The following WNK1 variants were observed in gnomAD, a reference collection of about 807,000 sequenced individuals.
WNK1 encodes serine/threonine-protein kinase WNK1.
Under a neutral mutation model 222.8 loss-of-function variants are expected in WNK1, and 38 were observed. That is an observed-to-expected ratio of 0.17 (90% confidence interval 0.13 to 0.22). The LOEUF is 0.22. Ranked by LOEUF, WNK1 falls within the 10% of genes least tolerant of loss-of-function variation. The pLI is 1.00. For synonymous variants in WNK1, 1,090 were observed against 1,092.9 expected (o/e 1.00, Z 0.05); for missense variants, 2,348 against 2,918.4 (o/e 0.80, Z 4.50).
intron 5 of WNK1, among the ~76,000 whole-genome samples, chr12:858,035 G>A (rs765727563): frequency 1.3e-5 from 2 of 152,178 alleles, no homozygotes; most frequent in South Asian, 2.1e-4. Flanking sequence ...CTCCAGTCTC[G>A]TTCTTTTTAT....
chr12:905,797 G>A (rs1955646227), intron 26 of WNK1, among the ~76,000 whole-genome samples: 1 of 152,154 alleles, frequency 6.6e-6, no homozygotes, highest in Non-Finnish European at 1.5e-5. Flanking sequence ...TTCCTGTACT[G>A]TAGGGAGCTT....
At chr12:758,757 A>G (rs2153912062) in intron 1 of WNK1, among the ~76,000 whole-genome samples, 1 of 146,628 alleles carries the variant, frequency 6.8e-6, no homozygotes, top group East Asian at 2.0e-4. Context: ...TAGTTTTTGG[A>G]GTTTGTTCTT....
chr12:805,712 C>G (rs1284034983), intron 1 of WNK1, among the ~76,000 whole-genome samples: 2 of 151,938 alleles, frequency 1.3e-5, no homozygotes, highest in Non-Finnish European at 2.9e-5. Context: ...GCCAAACTAC[C>G]TATAGTCAAA....
At position 864,087 on chromosome 12, in the gene WNK1, CCT is replaced by C. The variant is rs1366143931; in HGVS notation, c.2139+1818_2139+1819del. Among the ~76,000 whole-genome samples, 5 of 148,234 alleles carry C rather than the reference CCT, an allele frequency of 3.4e-5. No individual in the cohort carries two copies. The East Asian group carries it at 9.6e-4, about 29-fold the overall frequency. ...ATACTGCCTTATAGCCATATTAAAC[CCT>C]GTGCCTGAACATTTTTTTAAGTTTT... On this transcript the variant is annotated intron_variant, in intron 8 of 27. Coordinates refer to ENST00000315939, the MANE Select transcript of WNK1 (RefSeq NM_018979.4).
At chr12:870,434 T>A (rs1952046324) in intron 8 of WNK1, among the ~76,000 whole-genome samples, 1 of 152,206 alleles carries the variant, frequency 6.6e-6, no homozygotes, top group South Asian at 2.1e-4. Flanking sequence ...ATTATATCCA[T>A]GTAAGCTTTA....
chr12:782,912 T>C (rs927432589), intron 1 of WNK1, among the ~76,000 whole-genome samples: 1 of 152,020 alleles, frequency 6.6e-6, no homozygotes, highest in Admixed American at 6.6e-5. Flanking sequence ...CTTTTTTTTT[T>C]TCTGAGACAG....
intron 4 of WNK1, among the ~76,000 whole-genome samples, chr12:841,809 C>T (rs1423493110): frequency 6.6e-6 from 1 of 152,146 alleles, no homozygotes; most frequent in Non-Finnish European, 1.5e-5. Context: ...AAGCTCCCTC[C>T]GGACTCATAT....
chr12:799,681 A>G (rs1440049961), intron 1 of WNK1, among the ~76,000 whole-genome samples: 1 of 151,674 alleles, frequency 6.6e-6, no homozygotes, highest in Non-Finnish European at 1.5e-5. Context: ...GACATTACAA[A>G]AAGTTTTTAT....
intron 4 of WNK1, among the ~76,000 whole-genome samples, chr12:847,801 C>CTTTTTTTTTTTTTTTTTTTTTTTT (rs898832948): frequency 1.5e-5 from 1 of 68,642 alleles, no homozygotes; most frequent in African/African-American, 5.8e-5. Flanking sequence ...GATTAATTCT[C>CTTTTTTTTTTTTTTTTTTTTTTTT]TTTTTTTTTT....
intron 4 of WNK1, among the ~76,000 whole-genome samples, chr12:856,331 G>A: frequency 6.6e-6 from 1 of 151,658 alleles, no homozygotes; most frequent in East Asian, 2.0e-4. Flanking sequence ...GCGTATACCT[G>A]TATTCCCGGC....
Position 900,509 on chromosome 12 carries a change from T to C in WNK1, c.6482T>C (p.Leu2161Ser). Residue 2161 changes from leucine (L) to serine (S), a missense_variant, in exon 26 of 28, where the codon TTG becomes TCG. By Grantham distance (145) the Leu-to-Ser change is moderately radical. Around this residue, in one of 13 missense-constraint regions of WNK1, gnomAD observed 1,144 missense variants for 1,273.6 expected, o/e 0.90. Transcript: ENST00000315939. ...TCTGGTCAGAGTGCAGCTTCAGTCT[T>C]GCACCCCCAGCAGACCCTCCACCCT... ...NLSGQSAASV[L>S]HPQQTLHPPG... The C allele has an allele frequency of 6.2e-7, 1 of 1,614,194 alleles. No homozygotes were observed. Among genetic ancestry groups the C allele is most frequent in the Non-Finnish European group, 8.5e-7 (1 of 1,180,044 alleles).
chr12:907,774 C>T (rs568136518), intron 26 of WNK1, 73 bp from the exon 27 acceptor site: 194 of 1,549,016 alleles, frequency 1.3e-4, no homozygotes, highest in Admixed American at 3.0e-4. Flanking sequence ...TTCATCATCC[C>T]GTGAAGTTTT....
intron 6 of WNK1, among the ~76,000 whole-genome samples, chr12:860,004 C>G (rs531748453): frequency 1.1e-4 from 16 of 152,198 alleles, no homozygotes; most frequent in African/African-American, 3.4e-4. Flanking sequence ...GTGTGAGCCA[C>G]TTCGCCCGGC....
At chr12:835,356 C>A (rs1202301061) in intron 4 of WNK1, among the ~76,000 whole-genome samples, 3 of 151,358 alleles carry the variant, frequency 2.0e-5, no homozygotes, top group Non-Finnish European at 4.4e-5. Flanking sequence ...AACAAAAAAA[C>A]CCACAATAGC....
At chr12:904,314 C>G (rs1001157014) in intron 26 of WNK1, 1 of 515,556 alleles carries the variant, frequency 1.9e-6, no homozygotes, top group Admixed American at 2.6e-5. Context: ...TATATCTGTT[C>G]AAGGGCTACC....
chr12:759,660 G>A (rs1940740316), intron 1 of WNK1, among the ~76,000 whole-genome samples: 1 of 147,670 alleles, frequency 6.8e-6, no homozygotes, highest in African/African-American at 2.4e-5. Flanking sequence ...TGGTCTGCAG[G>A]AATAGGTGAG....
chr12:754,349 A>G, intron 1 of WNK1, 25 bp downstream of exon 1: 1 of 1,612,810 alleles, frequency 6.2e-7, no homozygotes, highest in Non-Finnish European at 8.5e-7. Flanking sequence ...ACTTTATTTG[A>G]CGGTCCTTTG....
At chr12:776,445 T>TGTGTG (rs1591645280) in intron 1 of WNK1, among the ~76,000 whole-genome samples, 2 of 150,520 alleles carry the variant, frequency 1.3e-5, no homozygotes, top group African/African-American at 4.9e-5. Context: ...TGTGTGTGTG[T>TGTGTG]TTCTTGAGAT....
At chr12:846,064 T>G (rs879623765) in intron 4 of WNK1, among the ~76,000 whole-genome samples, 1 of 152,228 alleles carries the variant, frequency 6.6e-6, no homozygotes, top group South Asian at 2.1e-4. Flanking sequence ...ATGATACTAA[T>G]ACAAACATTA....
Sources: allele counts gnomAD v4.1 joint callset (sites outside exome capture counted in the v4.1 genomes callset), GRCh38; gene constraint gnomAD v4.1.1; regional missense constraint gnomAD v4.1.1; transcripts MANE v1.5; gene names NCBI Gene and HGNC (gene_info 2026-07-23, HGNC 2026-07-21).